SBNO2: variants seen among roughly 807,000 people sequenced by gnomAD.
The protein encoded by SBNO2 is strawberry notch homolog 2.
SBNO2 carries 89 observed loss-of-function variants against 146.3 expected under a neutral mutation model. That is an observed-to-expected ratio of 0.61 (90% CI 0.51 to 0.73). The LOEUF is 0.73. Among genes scored for constraint, SBNO2 ranks in the 30% least tolerant of loss-of-function variants. The pLI is 0.00. For missense variants in SBNO2, 2,092 were observed against 2,003.7 expected (o/e 1.04, Z -0.84); for synonymous variants, 1,147 against 892.6 (o/e 1.29, Z -5.08).
rs2079758781 is a variant in SBNO2 at position 1,111,449 on chromosome 19, G to A, written c.2809+57C>T. On this transcript the variant is annotated intron_variant, in intron 24 of 31. Coordinates refer to ENST00000361757, the MANE Select transcript of SBNO2 (RefSeq NM_014963.3). ...AGCCTGCTGCCCCAGCTGCTCTGGA[G>A]CCCAGTGCTCTGCAACCCCTGCCCC... 2.9e-5 allele frequency: 35 copies of A among 1,214,640 alleles called. 1 individual carries two copies. In the South Asian group the frequency reaches 4.0e-4, roughly 14 times the overall value. The allele number at this position is 1,214,640 out of a possible 1,614,324, so 75.2% of individuals were successfully genotyped here.
At chr19:1,131,155 G>GC (rs2080023815) in intron 4 of SBNO2, among the ~76,000 whole-genome samples, 1 of 152,166 alleles carries the variant, frequency 6.6e-6, no homozygotes, top group African/African-American at 2.4e-5. Context: ...TCCCTCCACA[G>GC]CCCCTCCAGG....
intron 1 of SBNO2, among the ~76,000 whole-genome samples, chr19:1,160,643 C>T (rs1338647255): frequency 6.6e-6 from 1 of 152,074 alleles, no homozygotes; most frequent in Non-Finnish European, 1.5e-5. Context: ...GATTTTTGTG[C>T]CTCAGCTTCT....
In SBNO2 at chr19:1,108,562, G is replaced by A. The variant is rs1378518718; in HGVS notation, c.3759C>T (p.Pro1253=). The part of the protein sequence containing the change: ...APRPLALPCG[P]GEVLDLTYSP... ...TGTAGGTGAGGTCCAGCACCTCTCC[G>A]GGGCCGCAAGGCAGCGCCAGCGGGC... is the stretch of plus-strand genomic sequence containing the variant. The change falls in exon 32 of 32, where the codon CCC becomes CCT. Residue 1253 remains proline (P), a synonymous_variant. Transcript: ENST00000361757. 3.2e-6 allele frequency: 4 copies of A among 1,249,708 alleles called. No individual in the cohort carries two copies. Among genetic ancestry groups the A allele is most frequent in the South Asian group, 4.8e-5 (2 of 42,064 alleles). The allele number at this position is 1,249,708 out of a possible 1,614,324, so 77.4% of individuals were successfully genotyped here. A position where few individuals can be genotyped will look rare whatever the true frequency, so the allele number is the denominator to read the frequency against.
chr19:1,115,966 G>C (rs750899052), intron 17 of SBNO2, 55 bp downstream of exon 17: 4 of 1,428,088 alleles, frequency 2.8e-6, no homozygotes, highest in Non-Finnish European at 2.9e-6. Flanking sequence ...GCCAGCCCCC[G>C]GGGGGAGAAA....
chr19:1,114,116 T>G, intron 18 of SBNO2, 115 bp downstream of exon 18: 9 of 973,138 alleles, frequency 9.2e-6, no homozygotes, highest in Non-Finnish European at 1.3e-5. Flanking sequence ...GGGTGGGTGG[T>G]GACCGCCAGG....
Position 1,144,597 on chromosome 19 carries a change from C to T in SBNO2, c.279+2712G>A, listed in dbSNP as rs2145289661. On this transcript the variant is annotated intron_variant, in intron 4 of 31. Transcript: ENST00000361757. The surrounding 1 kb of genome is among the most constrained non-coding windows in gnomAD (Gnocchi z 4.1). Reference sequence around the variant, plus strand: ...AGACAGAGACGCAGAGACATAGAGACATAGAGACAGAGGCAGAGAGGGAAA... The same window carrying T: ...AGACAGAGACGCAGAGACATAGAGATATAGAGACAGAGGCAGAGAGGGAAA... Among the ~76,000 whole-genome samples the T allele has an allele frequency of 6.8e-6, 1 of 147,966 alleles. No homozygotes were observed. The highest frequency in any genetic ancestry group is 3.8e-3 in the Middle Eastern group (1 of 262).
At chr19:1,165,771 T>C (rs796294459) in intron 1 of SBNO2, among the ~76,000 whole-genome samples, 301 of 5,956 alleles carry the variant, frequency 0.051, no homozygotes, top group Middle Eastern at 0.1. Flanking sequence ...ACCCCAGATC[T>C]CAGACCCCAG....
At position 1,147,423 on chromosome 19, in the gene SBNO2, G is replaced by A; in HGVS notation, c.168-3C>T. The A allele has an allele frequency of 7.3e-7, 1 of 1,376,230 alleles. No individual in the cohort carries two copies. Among genetic ancestry groups the A allele is most frequent in the East Asian group, 2.7e-5 (1 of 36,936 alleles). 85.3% of individuals were successfully genotyped at this position (1,376,230 alleles called of 1,614,324 possible). On this transcript the variant is annotated splice_region_variant and splice_polypyrimidine_tract_variant and intron_variant, in intron 3 of 31. Transcript: ENST00000361757. ...AGGAGGCGGAGCTCATGAACGGGCTGGAGGGAGATGGGGGGGGGGGAGGTG... is the reference window on the plus strand; with the variant it reads ...AGGAGGCGGAGCTCATGAACGGGCTAGAGGGAGATGGGGGGGGGGGAGGTG...
intron 2 of SBNO2, among the ~76,000 whole-genome samples, chr19:1,151,503 G>T: frequency 6.6e-6 from 1 of 152,230 alleles, no homozygotes; most frequent in Admixed American, 6.5e-5. Context: ...ACCCCACAGG[G>T]GTGCCATGGG....
Position 1,109,412 on chromosome 19 carries a change from G to C in SBNO2, c.3228C>G (p.Asn1076Lys). Residue 1076 changes from asparagine (N) to lysine (K), a missense_variant, in exon 29 of 32, where the codon AAC becomes AAG. Physicochemically the swap from Asn to Lys is moderately conservative, Grantham distance 94. Coordinates refer to ENST00000361757, the MANE Select transcript of SBNO2 (RefSeq NM_014963.3). This position sits in a 1 kb window ranked among gnomAD's most constrained non-coding sequence, Gnocchi z 4.2. ...GFYLSYKVRG[N>K]KPSCLLAEQN... The stretch of plus-strand genomic sequence containing the variant: ...GCTCCGCCAGCAGGCAGCTGGGCTT[G>C]TTACCGCGGACCTGCGGAGGGGGGC... 6.4e-7 allele frequency: 1 copy of C among 1,566,180 alleles called. No individual in the cohort carries two copies. The highest frequency in any genetic ancestry group is 8.6e-7 in the Non-Finnish European group (1 of 1,156,446).
chr19:1,128,095 C>T (rs1277350400), intron 4 of SBNO2: 21 of 512,712 alleles, frequency 4.1e-5, no homozygotes, highest in Non-Finnish European at 7.0e-5. Flanking sequence ...GGATTACAGG[C>T]GTGAGCCACC....
chr19:1,121,936 G>T (rs2079905177), intron 11 of SBNO2, among the ~76,000 whole-genome samples: 1 of 152,138 alleles, frequency 6.6e-6, no homozygotes, highest in Admixed American at 6.5e-5. Context: ...CCTGAGCAAA[G>T]CTGGGGGCTG....
intron 1 of SBNO2, among the ~76,000 whole-genome samples, chr19:1,154,816 C>T (rs1355232464): frequency 2.0e-5 from 3 of 152,180 alleles, no homozygotes; most frequent in African/African-American, 7.2e-5. Context: ...CAGGGGAGCC[C>T]AGGGGACACT....
intron 4 of SBNO2, among the ~76,000 whole-genome samples, chr19:1,146,685 C>T (rs1351942107): frequency 6.8e-6 from 1 of 146,452 alleles, no homozygotes; most frequent in Non-Finnish European, 1.5e-5. Context: ...CGAGAGGAAG[C>T]TGGGGCACTG....
intron 13 of SBNO2, 46 bp downstream of exon 13, chr19:1,119,470 T>TC: frequency 3.0e-6 from 4 of 1,333,206 alleles, no homozygotes; most frequent in Non-Finnish European, 4.2e-6. Flanking sequence ...TGAGGCCTCC[T>TC]CCCCACCCCC....
chr19:1,160,002 T>G (rs2080329141), intron 1 of SBNO2, among the ~76,000 whole-genome samples: 1 of 152,056 alleles, frequency 6.6e-6, no homozygotes, highest in African/African-American at 2.4e-5. Flanking sequence ...TGCTGCTCTC[T>G]GCAGCCATCA....
chr19:1,132,092 T>G, intron 4 of SBNO2: 1 of 1,539,836 alleles, frequency 6.5e-7, no homozygotes, highest in Non-Finnish European at 8.7e-7. Flanking sequence ...AGTGTTACCT[T>G]GTTCAGAGCC....
In SBNO2 at chr19:1,119,982, G is replaced by A; in HGVS notation, c.1191C>T (p.Ser397=). Residue 397 remains serine, a synonymous_variant, in exon 12 of 32, where the codon TCC becomes TCT. Transcript: ENST00000361757. ...CTAGCACAGCCTTGCCCATCTTGGT[G>A]GAGCCGGCATTCTTGGCTTTGTGAC... ...DECHKAKNAG[S]TKMGKAVLDL... 1 of 1,551,514 alleles carries A rather than the reference G, an allele frequency of 6.4e-7. No individual in the cohort carries two copies.
intron 4 of SBNO2, among the ~76,000 whole-genome samples, chr19:1,130,203 C>T (rs147145892): frequency 6.6e-6 from 1 of 152,264 alleles, no homozygotes; most frequent in East Asian, 1.9e-4. Flanking sequence ...CAGGAGTTAA[C>T]GGTGGCGTAC....
Sources: gnomAD v4.1 joint callset for allele counts (sites outside exome capture counted in the v4.1 genomes callset) on GRCh38, gnomAD v4.1.1 for gene constraint, Gnocchi (gnomAD v3.1) non-coding constraint, MANE v1.5 for transcripts, NCBI Gene and HGNC (gene_info 2026-07-23, HGNC 2026-07-21) for gene names.